FILIP1L: variants seen among roughly 807,000 people sequenced by gnomAD.
FILIP1L encodes the protein filamin A interacting protein 1 like, also known as filamin A-interacting protein 1-like.
FILIP1L carries 55 observed loss-of-function variants against 96.6 expected under a neutral mutation model. The ratio of observed to expected loss-of-function variants is 0.57; its 90% confidence interval spans 0.46 to 0.71. The LOEUF (loss-of-function observed/expected upper bound fraction) is 0.71. FILIP1L is among the 30% of genes least tolerant of loss of function. The pLI, the probability that FILIP1L is intolerant of heterozygous loss-of-function variation, is 0.00. For synonymous variants in FILIP1L, 467 were observed against 473.9 expected, an observed-to-expected ratio of 0.99 and a Z score of 0.19; for missense variants, 1,304 against 1,321.2, an observed-to-expected ratio of 0.99 and a Z score of 0.20.
chr3:99,990,478 C>T (rs1465450405), intron 1 of FILIP1L, among the ~76,000 whole-genome samples: 1 of 152,226 alleles, frequency 6.6e-6, no homozygotes, highest in Non-Finnish European at 1.5e-5. Flanking sequence ...ATTACACCTT[C>T]TCTCAACTTA....
intron 1 of FILIP1L, among the ~76,000 whole-genome samples, chr3:100,025,991 A>G (rs2064913496): frequency 1.3e-5 from 2 of 152,130 alleles, no homozygotes; most frequent in African/African-American, 4.8e-5. Flanking sequence ...CAAGTACCTT[A>G]CCTCGCTCCC....
intron 1 of FILIP1L, among the ~76,000 whole-genome samples, chr3:99,999,489 T>A (rs1709781473): frequency 1.3e-5 from 2 of 152,196 alleles, no homozygotes. Flanking sequence ...CAGACTTTAT[T>A]TAGAGTTGGA....
chr3:99,981,110 C>T (rs1709109237), intron 1 of FILIP1L, among the ~76,000 whole-genome samples: 4 of 152,162 alleles, frequency 2.6e-5, no homozygotes, highest in Admixed American at 2.6e-4. Context: ...ATTACATACT[C>T]ACACTCTGTC....
At chr3:99,938,863 C>G (rs73858967) in intron 1 of FILIP1L, among the ~76,000 whole-genome samples, 2,236 of 152,132 alleles carry the variant, frequency 0.015, 54 homozygotes, top group African/African-American at 0.052. Flanking sequence ...TATTGCCCTA[C>G]TCACCCACAT....
At position 100,028,076 on chromosome 3, in the gene FILIP1L, C is replaced by T. The variant is rs116214936; in HGVS notation, c.-11+85977G>A. The stretch of plus-strand genomic sequence containing the variant: ...CTGGCTATTCTGGGAATTTAGGAGA[C>T]GAATAATAATAATGACAAAGCAAAT... On this transcript the variant is annotated intron_variant, in intron 1 of 5. Coordinates refer to ENST00000477258, the MANE Select transcript of FILIP1L (RefSeq NM_001387850.1). Among the ~76,000 whole-genome samples, 1,110 of 152,134 alleles carry T rather than the reference C, an allele frequency of 7.3e-3. 19 individuals are homozygous for T. The highest frequency in any genetic ancestry group is 0.025 in the African/African-American group (1,019 of 41,482).
intron 1 of FILIP1L, chr3:100,040,900 T>G (rs1001480442): frequency 1.3e-5 from 2 of 152,216 alleles, no homozygotes; most frequent in African/African-American, 4.8e-5. Context: ...AAAAAATGGT[T>G]TCTTTGCCTT....
intron 1 of FILIP1L, among the ~76,000 whole-genome samples, chr3:99,968,470 C>A (rs370638499): frequency 2.7e-5 from 4 of 150,870 alleles, no homozygotes; most frequent in South Asian, 4.2e-4. Flanking sequence ...GGGTTTAAGT[C>A]CTTGCAGGCA....
rs149734664 is a variant in FILIP1L, at chr3:99,981,033, G to T, written c.-10-50003C>A. The stretch of plus-strand genomic sequence containing the variant: ...AATGAAGAGACAATTGGTCTTGCTA[G>T]TGAAATACAGGGGTGAGGGAAGAGG... On this transcript the variant is annotated intron_variant, in intron 1 of 5. Coordinates refer to ENST00000477258, the MANE Select transcript of FILIP1L (RefSeq NM_001387850.1). Among the ~76,000 whole-genome samples the T allele has an allele frequency of 6.8e-3, 1,032 of 152,282 alleles. 3 individuals are homozygous for T. Among genetic ancestry groups the T allele is most frequent in the African/African-American group, 8.5e-3 (353 of 41,558 alleles).
intron 1 of FILIP1L, among the ~76,000 whole-genome samples, chr3:100,061,958 T>A: frequency 6.6e-6 from 1 of 152,196 alleles, no homozygotes; most frequent in Middle Eastern, 3.4e-3. Flanking sequence ...TTCACATTGT[T>A]ATGCAACCAA....
At chr3:99,904,115 G>A (rs1461141807) in intron 4 of FILIP1L, among the ~76,000 whole-genome samples, 1 of 152,134 alleles carries the variant, frequency 6.6e-6, no homozygotes, top group South Asian at 2.1e-4. Context: ...TTTCAGACAA[G>A]CACTTTACAT....
At chr3:100,025,340 T>G (rs1372013147) in intron 1 of FILIP1L, 1 of 152,204 alleles carries the variant, frequency 6.6e-6, no homozygotes, top group Non-Finnish European at 1.5e-5. Flanking sequence ...TTTGATCACA[T>G]TCACAAACCG....
rs1247931468 is a variant in FILIP1L, at chr3:99,908,665, G to A, written c.605+15565C>T. Among the ~76,000 whole-genome samples, 7 of 152,126 alleles carry A rather than the reference G, an allele frequency of 4.6e-5. No homozygotes were observed. In the South Asian group the frequency reaches 1.0e-3, roughly 23 times the overall value. ...AGGGTGATTATCTGAATATTATGTG[G>A]ACAATAATATTACCTCCTTTAAAAG... is the stretch of plus-strand genomic sequence containing the variant. On this transcript the variant is annotated intron_variant, in intron 4 of 5. Transcript: ENST00000477258.
intron 1 of FILIP1L, among the ~76,000 whole-genome samples, chr3:99,956,295 T>A (rs191414565): frequency 6.6e-6 from 1 of 152,188 alleles, no homozygotes; most frequent in Non-Finnish European, 1.5e-5. Flanking sequence ...ACACATGTTC[T>A]CCTTTTCCTG....
Position 99,830,459 on chromosome 3 carries a change from T to C in FILIP1L, c.3528A>G (p.Arg1176=), listed in dbSNP as rs1047675830. ...QNGCGKLHIV[R]TVTSNTFLHV... ...GGAGGAAGGTGTTGGAGGTGACAGT[T>C]CTCACGATGTGTAGCTTCCCACAGC... Residue 1176 remains arginine, a synonymous_variant, in exon 6 of 6, where the codon AGA becomes AGG. Transcript: ENST00000477258. 6.4e-5 allele frequency: 29 copies of C among 456,208 alleles called. No homozygotes were observed. Among genetic ancestry groups the C allele is most frequent in the Non-Finnish European group, 1.1e-4 (25 of 226,734 alleles). 28.3% of individuals were successfully genotyped at this position (456,208 alleles called of 1,614,324 possible).
intron 1 of FILIP1L, among the ~76,000 whole-genome samples, chr3:100,108,071 T>C (rs765912537): frequency 2.0e-5 from 3 of 152,092 alleles, no homozygotes; most frequent in Non-Finnish European, 4.4e-5. Context: ...GGATGTGTAC[T>C]CTAGAGCACT....
intron 1 of FILIP1L, among the ~76,000 whole-genome samples, chr3:100,085,842 G>A (rs1576038700): frequency 1.3e-5 from 2 of 152,192 alleles, no homozygotes; most frequent in East Asian, 3.8e-4. Flanking sequence ...ACCTCGACTA[G>A]CAGGAAAAGA....
intron 4 of FILIP1L, among the ~76,000 whole-genome samples, chr3:99,855,244 G>C (rs1269312272): frequency 2.6e-5 from 4 of 152,090 alleles, no homozygotes; most frequent in African/African-American, 9.7e-5. Context: ...ACTAAAATCT[G>C]TCCACATTTC....
chr3:99,890,679 A>G (rs1706055219), intron 4 of FILIP1L, among the ~76,000 whole-genome samples: 1 of 149,644 alleles, frequency 6.7e-6, no homozygotes, highest in Non-Finnish European at 1.5e-5. Flanking sequence ...TTCTAGTTTG[A>G]CCATTTTCTA....
At chr3:99,888,252 G>T (rs544632432) in intron 4 of FILIP1L, among the ~76,000 whole-genome samples, 2 of 152,186 alleles carry the variant, frequency 1.3e-5, no homozygotes, top group African/African-American at 4.8e-5. Flanking sequence ...TGCACCTGTT[G>T]CTACTTGGGA....
Sources: allele counts gnomAD v4.1 joint callset (sites outside exome capture counted in the v4.1 genomes callset), GRCh38; gene constraint gnomAD v4.1.1; transcripts MANE v1.5; gene names NCBI Gene and HGNC (gene_info 2026-07-23, HGNC 2026-07-21).